Variants in PPP2CA observed in about 807,000 individuals in gnomAD.
PPP2CA encodes serine/threonine-protein phosphatase 2A catalytic subunit alpha isoform.
A neutral mutation model predicts 38.8 loss-of-function variants in PPP2CA; 5 were observed. The ratio of observed to expected loss-of-function variants is 0.13; its 90% CI spans 0.07 to 0.27. The LOEUF is 0.27. PPP2CA is among the 10% of genes least tolerant of loss of function. The pLI, the probability that PPP2CA is intolerant of heterozygous loss-of-function variation, is 1.00. For synonymous variants in PPP2CA, 152 were observed against 134.0 expected, an observed-to-expected ratio of 1.13 and a Z score of -0.93; for missense variants, 88 against 389.7, an observed-to-expected ratio of 0.23 and a Z score of 6.52.
chr5:134,202,129 C>A, intron 2 of PPP2CA, 108 bp from the exon 3 acceptor site: 1 of 1,085,706 alleles, frequency 9.2e-7, no homozygotes, highest in Non-Finnish European at 1.3e-6. Flanking sequence ...GTTGAAAAAA[C>A]AGCACACATC....
At chr5:134,202,267 T>C (rs934429089) in intron 2 of PPP2CA, 19 of 400,682 alleles carry the variant, frequency 4.7e-5, no homozygotes, top group African/African-American at 3.4e-4. Context: ...CATAAATCAA[T>C]GGGCTATTAA....
Position 134,226,052 on chromosome 5 carries a change from G to A in PPP2CA, c.-191C>T, listed in dbSNP as rs1762576125. The A allele has an allele frequency of 1.9e-6, 1 of 520,334 alleles. No homozygotes were observed. The highest frequency in any genetic ancestry group is 3.4e-6 in the Non-Finnish European group (1 of 295,454). The allele number at this position is 520,334 out of a possible 1,614,324, so 32.2% of individuals were successfully genotyped here. On this transcript the variant is annotated 5_prime_UTR_variant, in exon 1 of 7. Coordinates refer to ENST00000481195, the MANE Select transcript of PPP2CA (RefSeq NM_002715.4). Reference sequence around the variant, plus strand: ...TGCGCCTCCTCCTCCGCTCGCTGAGGCTCCAGAGCTCGGCTCTCTGTAATG... The same window carrying A: ...TGCGCCTCCTCCTCCGCTCGCTGAGACTCCAGAGCTCGGCTCTCTGTAATG...
chr5:134,195,309 G>A lies in PPP2CA; in HGVS notation c.*2463C>T, dbSNP rs1188414477. On this transcript the variant is annotated 3_prime_UTR_variant, in exon 7 of 7. Transcript: ENST00000481195. ...TCTGTCACCCAGACTGGAGTACAGT[G>A]GCACAATCTCAGCCCACTGCAACCT... 1 of 152,172 alleles carries A rather than the reference G, an allele frequency of 6.6e-6. No individual in the cohort carries two copies. The highest frequency in any genetic ancestry group is 1.5e-5 in the Non-Finnish European group (1 of 68,052). The allele number at this position is 152,172 out of a possible 1,614,324, so 9.4% of individuals were successfully genotyped here.
At chr5:134,221,550 A>C (rs1762443048) in intron 1 of PPP2CA, among the ~76,000 whole-genome samples, 1 of 152,204 alleles carries the variant, frequency 6.6e-6, no homozygotes, top group Non-Finnish European at 1.5e-5. Context: ...TTTTCATCTC[A>C]CCAATCTCAT....
chr5:134,225,931 C>G lies in PPP2CA; in HGVS notation c.-70G>C, dbSNP rs1762570852. 20 of 1,385,488 alleles carry G rather than the reference C, an allele frequency of 1.4e-5. No homozygotes were observed. In the South Asian group the frequency reaches 2.0e-4, roughly 14 times the overall value. The allele number at this position is 1,385,488 out of a possible 1,614,324, so 85.8% of individuals were successfully genotyped here. A position where few individuals can be genotyped will look rare whatever the true frequency, so the allele number is the denominator to read the frequency against. On this transcript the variant is annotated 5_prime_UTR_variant, in exon 1 of 7. Transcript: ENST00000481195. ...GCCGCCGCCCGCACACGGGCCTACA[C>G]GCACACGCCGCCGCCGGTTCCTCGT...
Position 134,201,069 on chromosome 5 carries a change from G to A in PPP2CA, c.492C>T (p.Phe164=), listed in dbSNP as rs1761958638. ...PLTALVDGQI[F]CLHGGLSPSI... ...ATGGCGAGAGACCACCATGTAGACA[G>A]AAGATCTGAAAAGAGTGGTTTAAAA... The change falls in exon 4 of 7, where the codon TTC becomes TTT. Residue 164 remains phenylalanine, a synonymous_variant. Transcript: ENST00000481195. 2.5e-6 allele frequency: 4 copies of A among 1,609,354 alleles called. No individual in the cohort carries two copies. Among genetic ancestry groups the A allele is most frequent in the Non-Finnish European group, 1.7e-6 (2 of 1,175,644 alleles).
intron 6 of PPP2CA, 96 bp from the exon 7 acceptor site, chr5:134,197,940 T>G (rs934945751): frequency 4.9e-6 from 5 of 1,024,788 alleles, no homozygotes; most frequent in Non-Finnish European, 7.6e-6. Context: ...TTACACTTCC[T>G]ATTCAATTTT....
At chr5:134,204,531 G>C (rs1762035997) in intron 2 of PPP2CA, among the ~76,000 whole-genome samples, 1 of 152,146 alleles carries the variant, frequency 6.6e-6, no homozygotes, top group African/African-American at 2.4e-5. Flanking sequence ...GTGCATCATG[G>C]CTCACTGTAG....
chr5:134,200,596 A>T, intron 4 of PPP2CA, 100 bp from the exon 5 acceptor site: 1 of 1,308,246 alleles, frequency 7.6e-7, no homozygotes, highest in Non-Finnish European at 1.1e-6. Context: ...ACCCTTTTTG[A>T]GTGATGTTTG....
chr5:134,212,543 C>A (rs1419796601), intron 1 of PPP2CA, among the ~76,000 whole-genome samples: 1 of 152,062 alleles, frequency 6.6e-6, no homozygotes, highest in Non-Finnish European at 1.5e-5. Context: ...TGAAATTAGG[C>A]CAATTAATAA....
At chr5:134,213,287 C>A (rs886710163) in intron 1 of PPP2CA, among the ~76,000 whole-genome samples, 6 of 152,128 alleles carry the variant, frequency 3.9e-5, no homozygotes, top group Non-Finnish European at 2.9e-5. Context: ...TTCTTTAGCA[C>A]TTAAGAATTA....
chr5:134,208,194 A>C (rs1762124470), intron 1 of PPP2CA, among the ~76,000 whole-genome samples: 1 of 152,244 alleles, frequency 6.6e-6, no homozygotes, highest in Admixed American at 6.5e-5. Context: ...AGCTATCAGA[A>C]GTTAAATGTT....
intron 1 of PPP2CA, among the ~76,000 whole-genome samples, chr5:134,215,633 C>T (rs1371286448): frequency 6.6e-6 from 1 of 151,998 alleles, no homozygotes; most frequent in Admixed American, 6.6e-5. Context: ...GAGACAGGGT[C>T]TCACTATGCT....
In PPP2CA at chr5:134,209,434, T is replaced by C. The variant is rs549276635; in HGVS notation, c.103-3303A>G. On this transcript the variant is annotated intron_variant, in intron 1 of 6. Transcript: ENST00000481195. ...AGATAGTTACAACAATAAAACAGAC[T>C]ACACCAGAACAGTAGAACAATAAAA... Among the ~76,000 whole-genome samples the C allele has an allele frequency of 2.0e-5, 3 of 152,320 alleles. No homozygotes were observed. The South Asian group carries it at 6.2e-4, about 32-fold the overall frequency.
At chr5:134,199,313 G>T in intron 5 of PPP2CA, 109 bp from the exon 6 acceptor site, 1 of 777,710 alleles carries the variant, frequency 1.3e-6, no homozygotes, top group Non-Finnish European at 2.2e-6. Context: ...CTGCCAAAGG[G>T]GCTTAAGAAA....
At chr5:134,205,818 ATTTTG>A (rs1272260512) in intron 2 of PPP2CA, 99 bp downstream of exon 2, 7 of 993,414 alleles carry the variant, frequency 7.0e-6, no homozygotes, top group African/African-American at 4.9e-5. Flanking sequence ...TAAATGTGGA[ATTTTG>A]TTTTAACATT....
chr5:134,215,288 G>A (rs948611433), intron 1 of PPP2CA, among the ~76,000 whole-genome samples: 1 of 152,052 alleles, frequency 6.6e-6, no homozygotes, highest in Non-Finnish European at 1.5e-5. Flanking sequence ...TTATTCGTAG[G>A]GCTGGGTGCA....
chr5:134,201,689 T>C (rs1761969541), intron 3 of PPP2CA, among the ~76,000 whole-genome samples, 159 bp downstream of exon 3: 1 of 152,212 alleles, frequency 6.6e-6, no homozygotes, highest in Middle Eastern at 3.2e-3. Flanking sequence ...TGGACACATT[T>C]GTCAAATTAA....
chr5:134,223,061 T>C (rs753998942), intron 1 of PPP2CA, among the ~76,000 whole-genome samples: 3 of 152,236 alleles, frequency 2.0e-5, no homozygotes, highest in Non-Finnish European at 2.9e-5. Flanking sequence ...ATTTTTACTA[T>C]TTAAATATTT....
Sources: allele counts gnomAD v4.1 joint callset (sites outside exome capture counted in the v4.1 genomes callset), GRCh38; gene constraint gnomAD v4.1.1; transcripts MANE v1.5; gene names NCBI Gene and HGNC (gene_info 2026-07-23, HGNC 2026-07-21).